Variants in TBC1D22A observed in about 807,000 individuals in gnomAD.
The protein encoded by TBC1D22A is putative GTPase activator.
TBC1D22A carries 38 observed loss-of-function variants against 60.2 expected under a neutral mutation model. The observed-to-expected ratio is 0.63, with a 90% confidence interval of 0.49 to 0.83. TBC1D22A has a LOEUF of 0.83. Ranked by LOEUF, TBC1D22A falls within the 40% of genes least tolerant of loss-of-function variation. TBC1D22A has a pLI of 0.00. For missense variants in TBC1D22A, 628 were observed against 701.0 expected (o/e 0.90, Z 1.18); for synonymous variants, 302 against 281.7 (o/e 1.07, Z -0.72).
At chr22:47,089,974 C>T (rs530000017) in intron 11 of TBC1D22A, among the ~76,000 whole-genome samples, 1 of 152,246 alleles carries the variant, frequency 6.6e-6, no homozygotes, top group East Asian at 1.9e-4. Flanking sequence ...GTGAAGCCTC[C>T]GGGGATGTGA....
chr22:46,935,412 T>A (rs1402124198), intron 8 of TBC1D22A, among the ~76,000 whole-genome samples: 1 of 152,132 alleles, frequency 6.6e-6, no homozygotes, highest in Non-Finnish European at 1.5e-5. Context: ...GGTTACTGAG[T>A]TCGCACAGTG....
intron 1 of TBC1D22A, among the ~76,000 whole-genome samples, chr22:46,769,062 C>A (rs1245723978): frequency 7.7e-6 from 1 of 129,990 alleles, no homozygotes; most frequent in African/African-American, 3.0e-5. Flanking sequence ...TCACTGCACT[C>A]TAGCCTGGGC....
chr22:46,995,700 G>C (rs1022512637), intron 9 of TBC1D22A, among the ~76,000 whole-genome samples: 4 of 152,064 alleles, frequency 2.6e-5, no homozygotes, highest in African/African-American at 9.7e-5. Context: ...CCACGTCACT[G>C]GGGCCTCCCG....
intron 4 of TBC1D22A, among the ~76,000 whole-genome samples, chr22:46,825,913 T>C (rs1415376733): frequency 6.0e-5 from 9 of 151,062 alleles, no homozygotes; most frequent in Admixed American, 2.6e-4. Flanking sequence ...AACGGAGTCT[T>C]GCTCTGTCGC....
intron 10 of TBC1D22A, among the ~76,000 whole-genome samples, chr22:47,017,035 G>A (rs2061931795): frequency 6.6e-6 from 1 of 152,242 alleles, no homozygotes; most frequent in Admixed American, 6.5e-5. Context: ...TCCTCCATTT[G>A]TTAGTTGGTT....
intron 1 of TBC1D22A, among the ~76,000 whole-genome samples, chr22:46,770,810 T>C (rs569737772): frequency 3.3e-5 from 5 of 152,324 alleles, no homozygotes; most frequent in East Asian, 1.9e-4. Context: ...TTTGAAGAGA[T>C]TGTTTATTGG....
At position 46,872,356 on chromosome 22, in the gene TBC1D22A, A is replaced by T. The variant is rs374994724; in HGVS notation, c.638-6297A>T. On this transcript the variant is annotated intron_variant, in intron 4 of 12. Transcript: ENST00000337137. ...GATACCAAAATCTTACAAAGACATT[A>T]TAAGAAAAGAGAACCTGAGACCAAT... Among the ~76,000 whole-genome samples, 101 of 152,342 alleles carry T rather than the reference A, an allele frequency of 6.6e-4. 1 individual carries two copies. Among genetic ancestry groups the T allele is most frequent in the African/African-American group, 2.3e-3 (95 of 41,590 alleles).
At chr22:46,875,584 T>C (rs1180011716) in intron 4 of TBC1D22A, among the ~76,000 whole-genome samples, 2 of 152,094 alleles carry the variant, frequency 1.3e-5, no homozygotes, top group African/African-American at 4.8e-5. Context: ...CCCCAGTAGC[T>C]GGGACTACAG....
At chr22:46,836,128 A>C (rs1602079472) in intron 4 of TBC1D22A, among the ~76,000 whole-genome samples, 1 of 152,376 alleles carries the variant, frequency 6.6e-6, no homozygotes, top group East Asian at 1.9e-4. Flanking sequence ...AACCTATGAA[A>C]GTATAATACT....
chr22:46,922,852 G>C (rs2070834850), intron 8 of TBC1D22A, among the ~76,000 whole-genome samples: 1 of 152,122 alleles, frequency 6.6e-6, no homozygotes, highest in African/African-American at 2.4e-5. Context: ...GGTTTTCTAG[G>C]TATAGAATCG....
chr22:47,138,046 C>T (rs1189907041), intron 12 of TBC1D22A, among the ~76,000 whole-genome samples: 1 of 152,142 alleles, frequency 6.6e-6, no homozygotes, highest in African/African-American at 2.4e-5. Context: ...ATCGTCAGTG[C>T]CACTGTCACC....
chr22:47,166,665 A>C (rs1218076039), intron 12 of TBC1D22A, among the ~76,000 whole-genome samples: 1 of 152,164 alleles, frequency 6.6e-6, no homozygotes, highest in South Asian at 2.1e-4. Context: ...ACACACACTC[A>C]TACATGTACG....
intron 12 of TBC1D22A, among the ~76,000 whole-genome samples, chr22:47,112,650 C>A (rs1445030753): frequency 6.6e-6 from 1 of 152,210 alleles, no homozygotes; most frequent in East Asian, 1.9e-4. Context: ...GATCCTGGCC[C>A]AGCAGATGGA....
At chr22:46,889,047 G>T (rs1040614417) in intron 5 of TBC1D22A, among the ~76,000 whole-genome samples, 1 of 152,148 alleles carries the variant, frequency 6.6e-6, no homozygotes, top group Non-Finnish European at 1.5e-5. Flanking sequence ...AATTATAAAA[G>T]AAAAACTATC....
intron 4 of TBC1D22A, among the ~76,000 whole-genome samples, chr22:46,815,453 G>T (rs1313967025): frequency 6.6e-6 from 1 of 152,240 alleles, no homozygotes; most frequent in South Asian, 2.1e-4. Context: ...TTCTCGCTCA[G>T]AGTACGCAAT....
In TBC1D22A at chr22:47,152,261, T is replaced by C. The variant is rs569195931; in HGVS notation, c.1426-21237T>C. ...TCTCTCAGTCATGCGTTCAAAACAA[T>C]GGGTTCAAAAATCCAGACTGGGTCA... On this transcript the variant is annotated intron_variant, in intron 12 of 12. Coordinates refer to ENST00000337137, the MANE Select transcript of TBC1D22A (RefSeq NM_014346.5). 5.3e-5 allele frequency among the ~76,000 whole-genome samples: 8 copies of C among 152,358 alleles called. No homozygotes were observed. The East Asian group carries it at 1.3e-3, about 26-fold the overall frequency.
chr22:47,161,194 G>C (rs756391622), intron 12 of TBC1D22A, among the ~76,000 whole-genome samples: 6 of 152,042 alleles, frequency 3.9e-5, no homozygotes, highest in Non-Finnish European at 8.8e-5. Context: ...TTGAAATCAT[G>C]TTTTCAATAC....
chr22:46,978,122 G>A (rs2074376510), intron 9 of TBC1D22A, among the ~76,000 whole-genome samples: 1 of 152,206 alleles, frequency 6.6e-6, no homozygotes, highest in African/African-American at 2.4e-5. Flanking sequence ...CTGCCCTGGC[G>A]AGGTGTGATC....
chr22:47,157,229 G>C (rs529208056), intron 12 of TBC1D22A, among the ~76,000 whole-genome samples: 3 of 152,342 alleles, frequency 2.0e-5, no homozygotes, highest in African/African-American at 7.2e-5. Flanking sequence ...ACGTGCTGTA[G>C]TCCGCGGCTC....
Sources: allele counts gnomAD v4.1 joint callset (sites outside exome capture counted in the v4.1 genomes callset), GRCh38; gene constraint gnomAD v4.1.1; transcripts MANE v1.5; gene names NCBI Gene and HGNC (gene_info 2026-07-23, HGNC 2026-07-21).